Variants in CHD1 observed in about 807,000 individuals in gnomAD.
The protein encoded by CHD1 is chromodomain helicase DNA binding protein 1.
In CHD1, 36 loss-of-function variants were observed where a neutral mutation model predicts 224.2. That is an observed-to-expected ratio of 0.16 (90% CI 0.12 to 0.21). The LOEUF is 0.21. Ranked by LOEUF, CHD1 falls within the 10% of genes least tolerant of loss-of-function variation. The pLI is 1.00. For synonymous variants in CHD1, 668 were observed against 658.3 expected (o/e 1.01, Z -0.23); for missense variants, 1,378 against 1,994.8 (o/e 0.69, Z 5.89).
At chr5:98,889,512 G>C (rs963837987) in intron 15 of CHD1, among the ~76,000 whole-genome samples, 3 of 152,158 alleles carry the variant, frequency 2.0e-5, no homozygotes, top group Non-Finnish European at 4.4e-5. Flanking sequence ...TTGCTAAAAA[G>C]ATGGTCAGCT....
chr5:98,898,814 C>A, intron 8 of CHD1, 50 bp from the exon 9 acceptor site: 2 of 983,118 alleles, frequency 2.0e-6, no homozygotes, highest in Non-Finnish European at 3.2e-6. Flanking sequence ...CCATAAATAA[C>A]CTTTCACTCC....
At chr5:98,882,418 T>G (rs1268881371) in intron 19 of CHD1, among the ~76,000 whole-genome samples, 1 of 133,246 alleles carries the variant, frequency 7.5e-6, no homozygotes, top group Non-Finnish European at 1.6e-5. Flanking sequence ...CTGGGGAAAA[T>G]GGGGGGGGGG....
At chr5:98,883,826 A>AATATATATATATATATATAT (rs200375047) in intron 18 of CHD1, 3 of 59,050 alleles carry the variant, frequency 5.1e-5, no homozygotes, top group African/African-American at 1.7e-4. Context: ...TTGGAGACTA[A>AATATATATATATATATATAT]ATATATATAT....
chr5:98,859,996 A>G lies in CHD1; in HGVS notation c.4500T>C (p.Ala1500=), dbSNP rs1748339777. ...ARKLHKLYKH[A]IKKRQESQQN... is the part of the protein sequence containing the mutation. ...CCTGAGACTCCTGCCGTTTTTTAATAGCATGCTTATATAATTTATGTAATT... is the reference window on the plus strand; with the variant it reads ...CCTGAGACTCCTGCCGTTTTTTAATGGCATGCTTATATAATTTATGTAATT... Residue 1500 remains alanine (A), a synonymous_variant, in exon 33 of 36, where the codon GCT becomes GCC. Transcript: ENST00000614616. 7 of 1,521,704 alleles carry G rather than the reference A, an allele frequency of 4.6e-6. No individual in the cohort carries two copies. Among genetic ancestry groups the G allele is most frequent in the Non-Finnish European group, 6.2e-6 (7 of 1,125,778 alleles). 94.3% of individuals were successfully genotyped at this position (1,521,704 alleles called of 1,614,324 possible).
intron 2 of CHD1, among the ~76,000 whole-genome samples, chr5:98,907,363 C>T (rs954923110): frequency 2.6e-5 from 4 of 152,084 alleles, no homozygotes; most frequent in South Asian, 2.1e-4. Flanking sequence ...CAGAGGGGGG[C>T]GGATCACCTG....
Position 98,873,579 on chromosome 5 carries a change from C to G in CHD1, c.3571+14G>C. ...ATTTACTTCTCTTTTAAATCACTCT[C>G]AGTTTAATGTTACCTGTTCGTTCTG... On this transcript the variant is annotated intron_variant, in intron 26 of 35. Transcript: ENST00000614616. 5.8e-6 allele frequency: 9 copies of G among 1,560,642 alleles called. No homozygotes were observed. Among genetic ancestry groups the G allele is most frequent in the Non-Finnish European group, 7.8e-6 (9 of 1,156,558 alleles).
Position 98,876,531 on chromosome 5 carries a change from G to A in CHD1, c.3265C>T (p.Arg1089Cys), listed in dbSNP as rs750404976. 11 of 1,613,386 alleles carry A rather than the reference G, an allele frequency of 6.8e-6. No individual in the cohort carries two copies. The highest frequency in any genetic ancestry group is 5.3e-5 in the African/African-American group (4 of 74,862). Residue 1089 changes from arginine to cysteine, a missense_variant, in exon 24 of 36, where the codon CGC (arginine) becomes TGC (cysteine). Coordinates refer to ENST00000614616, the MANE Select transcript of CHD1 (RefSeq NM_001270.4). ...QISFNGSEGRRSRSRRYSGSD... is the reference protein window; with the variant it reads ...QISFNGSEGRCSRSRRYSGSD... ...CCAGAGTATCTCCTACTTCTACTGC[G>A]CCTCCCTTCACTTCCATTGAAACTA...
rs756211620 is a variant in CHD1, at chr5:98,868,478, GA to G, written c.4248+16del. The G allele has an allele frequency of 1.9e-6, 3 of 1,587,356 alleles. No homozygotes were observed. The East Asian group carries it at 6.7e-5, about 36-fold the overall frequency. On this transcript the variant is annotated intron_variant, in intron 31 of 35. Coordinates refer to ENST00000614616, the MANE Select transcript of CHD1 (RefSeq NM_001270.4). ...TTTTATGAGTTAATACTAATAATCA[GA>G]AAGTCTAAGGCTTACAATGCTGAAT... is the stretch of plus-strand genomic sequence containing the variant.
chr5:98,893,827 A>C (rs758643209), intron 13 of CHD1, among the ~76,000 whole-genome samples: 6 of 152,176 alleles, frequency 3.9e-5, no homozygotes, highest in Non-Finnish European at 4.4e-5. Flanking sequence ...TATCAAGCCA[A>C]AGTTTTTATT....
At chr5:98,857,541 T>C (rs1043436948) in intron 35 of CHD1, among the ~76,000 whole-genome samples, 1 of 152,102 alleles carries the variant, frequency 6.6e-6, no homozygotes, top group Non-Finnish European at 1.5e-5. Flanking sequence ...CTACTTACTA[T>C]AAAAGCATAA....
intron 34 of CHD1, 78 bp from the exon 35 acceptor site, chr5:98,858,468 A>T: frequency 8.3e-7 from 1 of 1,205,664 alleles, no homozygotes; most frequent in Non-Finnish European, 1.2e-6. Context: ...GATAACAAGA[A>T]TTCGTTTCAA....
chr5:98,899,428 T>C lies in CHD1; in HGVS notation c.1085+52A>G, dbSNP rs1168951640. 1.1e-5 allele frequency: 12 copies of C among 1,108,910 alleles called. No homozygotes were observed. The East Asian group carries it at 2.4e-4, about 22-fold the overall frequency. 68.7% of individuals were successfully genotyped at this position (1,108,910 alleles called of 1,614,324 possible). A position where few individuals can be genotyped will look rare whatever the true frequency, so the allele number is the denominator to read the frequency against. Reference sequence around the variant, plus strand: ...TATGTATTCTTTATTAACATAAAGGTTTAGTAATCTTTGAACTATTAAAAG... The same window carrying C: ...TATGTATTCTTTATTAACATAAAGGCTTAGTAATCTTTGAACTATTAAAAG... On this transcript the variant is annotated intron_variant, in intron 8 of 35. Coordinates refer to ENST00000614616, the MANE Select transcript of CHD1 (RefSeq NM_001270.4).
At chr5:98,900,710 C>T (rs954654389) in intron 7 of CHD1, 101 bp downstream of exon 7, 3 of 1,061,500 alleles carry the variant, frequency 2.8e-6, no homozygotes, top group Middle Eastern at 2.4e-4. Flanking sequence ...CCTCGGCCCC[C>T]CAAAGTACTG....
chr5:98,878,404 G>C (rs1749924348), intron 23 of CHD1, among the ~76,000 whole-genome samples: 1 of 152,266 alleles, frequency 6.6e-6, no homozygotes, highest in Non-Finnish European at 1.5e-5. Context: ...GCAGGGACTA[G>C]AGTGGGGCAA....
At chr5:98,904,420 G>T (rs1024288994) in intron 3 of CHD1, among the ~76,000 whole-genome samples, 19 of 152,114 alleles carry the variant, frequency 1.2e-4, no homozygotes, top group African/African-American at 4.3e-4. Context: ...ACAAGTTTTT[G>T]TATCTCTTGT....
chr5:98,859,535 T>C (rs1748306076), intron 33 of CHD1, among the ~76,000 whole-genome samples: 1 of 152,134 alleles, frequency 6.6e-6, no homozygotes, highest in South Asian at 2.1e-4. Context: ...AGTTATTTTA[T>C]AGAATATCCG....
At position 98,906,358 on chromosome 5, in the gene CHD1, A is replaced by AT. The variant is rs538598145; in HGVS notation, c.54-1261dup. 2.7e-4 allele frequency among the ~76,000 whole-genome samples: 41 copies of AT among 152,258 alleles called. No homozygotes were observed. In the South Asian group the frequency reaches 8.5e-3, roughly 32 times the overall value. Reference sequence around the variant, plus strand: ...CATAGTTTAGAGGTCCAAAAACAGCATATTAAATTTTAATTTTTAAGGCCA... The same window carrying AT: ...CATAGTTTAGAGGTCCAAAAACAGCATTATTAAATTTTAATTTTTAAGGCCA... On this transcript the variant is annotated intron_variant, in intron 2 of 35. Coordinates refer to ENST00000614616, the MANE Select transcript of CHD1 (RefSeq NM_001270.4).
intron 1 of CHD1, among the ~76,000 whole-genome samples, chr5:98,926,999 G>A (rs1417484770): frequency 1.3e-5 from 2 of 151,132 alleles, no homozygotes; most frequent in Non-Finnish European, 2.9e-5. Context: ...GAGTGAGAAA[G>A]TTCTGAAAAC....
At position 98,928,963 on chromosome 5, in the gene CHD1, ACGTAAG is replaced by A. The variant is rs1386936940; in HGVS notation, c.-579_-574del. 4.6e-5 allele frequency: 7 copies of A among 153,300 alleles called. No homozygotes were observed. The highest frequency in any genetic ancestry group is 1.5e-4 in the African/African-American group (6 of 41,312). 9.5% of individuals were successfully genotyped at this position (153,300 alleles called of 1,614,324 possible). A position where few individuals can be genotyped will look rare whatever the true frequency, so the allele number is the denominator to read the frequency against. On this transcript the variant is annotated 5_prime_UTR_variant, in exon 1 of 36. Transcript: ENST00000614616. Reference sequence around the variant, plus strand: ...CGCCGTCGCCTCCGCCTCCCGCGCGACGTAAGCGCCTCTGCTCACTCCCCTTCCCGA... The same window carrying A: ...CGCCGTCGCCTCCGCCTCCCGCGCGACGCCTCTGCTCACTCCCCTTCCCGA...
Sources: allele counts gnomAD v4.1 joint callset (sites outside exome capture counted in the v4.1 genomes callset), GRCh38; gene constraint gnomAD v4.1.1; transcripts MANE v1.5; gene names NCBI Gene and HGNC (gene_info 2026-07-23, HGNC 2026-07-21).